RIMKLB: variants seen among roughly 807,000 people sequenced by gnomAD.
RIMKLB encodes the protein ribosomal modification protein rimK like family member B.
Under a neutral mutation model 32.0 loss-of-function variants are expected in RIMKLB, and 7 were observed. The ratio of observed to expected loss-of-function variants is 0.22; its 90% CI spans 0.12 to 0.41. RIMKLB has a LOEUF of 0.41. Ranked by LOEUF, RIMKLB falls within the 10% of genes least tolerant of loss-of-function variation. The probability of loss-of-function intolerance (pLI) is 1.00; values close to 1 mark genes in which losing one functional copy is unlikely to be tolerated. For synonymous variants in RIMKLB, 172 were observed against 185.1 expected (o/e 0.93, Z 0.57); for missense variants, 289 against 498.7 (o/e 0.58, Z 4.00).
At chr12:8,732,681 A>G (rs1002251009) in intron 2 of RIMKLB, among the ~76,000 whole-genome samples, 19 of 152,104 alleles carry the variant, frequency 1.2e-4, no homozygotes, top group African/African-American at 4.1e-4. Flanking sequence ...TTGTGAAGAT[A>G]ATGCCCATCA....
At chr12:8,749,638 T>A (rs1948453221) in intron 2 of RIMKLB, among the ~76,000 whole-genome samples, 1 of 152,256 alleles carries the variant, frequency 6.6e-6, no homozygotes, top group South Asian at 2.1e-4. Flanking sequence ...ACATTCTTTT[T>A]AATGGCTATG....
chr12:8,688,452 G>T (rs1315257192), intron 1 of RIMKLB, among the ~76,000 whole-genome samples: 1 of 152,056 alleles, frequency 6.6e-6, no homozygotes, highest in Non-Finnish European at 1.5e-5. Flanking sequence ...ATAAATAATA[G>T]AAATTATTTT....
upstream of RIMKLB, among the ~76,000 whole-genome samples, chr12:8,680,211 A>G (rs1591585373): frequency 6.6e-6 from 1 of 152,214 alleles, no homozygotes; most frequent in East Asian, 1.9e-4. Flanking sequence ...GCTGGAGCGC[A>G]GTGGCGCGAT....
At position 8,774,469 on chromosome 12, in the gene RIMKLB, A is replaced by G. The variant is rs1344908291; in HGVS notation, c.*685A>G. 5 of 984,672 alleles carry G rather than the reference A, an allele frequency of 5.1e-6. No homozygotes were observed. Among genetic ancestry groups the G allele is most frequent in the African/African-American group, 1.7e-5 (1 of 57,210 alleles). 61.0% of individuals were successfully genotyped at this position (984,672 alleles called of 1,614,324 possible). A position where few individuals can be genotyped will look rare whatever the true frequency, so the allele number is the denominator to read the frequency against. ...TGCAATGTCCGGTATACAAAATAAC[A>G]TTAATTCAATGTAGATAAAATTACA... On this transcript the variant is annotated 3_prime_UTR_variant, in exon 6 of 6. Transcript: ENST00000535829.
Position 8,773,802 on chromosome 12 carries a change from C to T in RIMKLB, c.*18C>T. On this transcript the variant is annotated 3_prime_UTR_variant, in exon 6 of 6. Coordinates refer to ENST00000535829, the MANE Select transcript of RIMKLB (RefSeq NM_001297776.2). ...TGGACTGACTCCACTGGTAATTAAC[C>T]AACAAAACCCTTGTAAAACTTTCTT... 1 of 1,579,512 alleles carries T rather than the reference C, an allele frequency of 6.3e-7. No homozygotes were observed. Among genetic ancestry groups the T allele is most frequent in the African/African-American group, 1.4e-5 (1 of 73,526 alleles).
At chr12:8,781,462 AT>A (rs1951034205), downstream of RIMKLB, among the ~76,000 whole-genome samples, 1 of 152,208 alleles carries the variant, frequency 6.6e-6, no homozygotes, top group Non-Finnish European at 1.5e-5. Context: ...CCAGCTGGCT[AT>A]CTAGGTCAAG....
At chr12:8,750,401 A>G (rs1948517007) in intron 3 of RIMKLB, among the ~76,000 whole-genome samples, 1 of 152,228 alleles carries the variant, frequency 6.6e-6, no homozygotes, top group South Asian at 2.1e-4. Context: ...ACAAATGAGT[A>G]GCTTTGTTCC....
At chr12:8,724,073 C>T (rs991883858) in intron 2 of RIMKLB, among the ~76,000 whole-genome samples, 1 of 152,030 alleles carries the variant, frequency 6.6e-6, no homozygotes, top group African/African-American at 2.4e-5. Context: ...CCCACCTCAG[C>T]CCCCAAAATG....
intron 2 of RIMKLB, among the ~76,000 whole-genome samples, chr12:8,725,755 C>G (rs1319740763): frequency 4.6e-5 from 7 of 152,182 alleles, no homozygotes; most frequent in Admixed American, 4.6e-4. Flanking sequence ...TTGGTACACA[C>G]CAAGTAGCAC....
At chr12:8,717,770 A>G (rs1250157518) in intron 2 of RIMKLB, among the ~76,000 whole-genome samples, 2 of 152,180 alleles carry the variant, frequency 1.3e-5, no homozygotes, top group Non-Finnish European at 2.9e-5. Flanking sequence ...CTGTAGTCAA[A>G]TTAATCTCTC....
upstream of RIMKLB, among the ~76,000 whole-genome samples, chr12:8,692,500 G>T (rs1942759519): frequency 6.6e-6 from 1 of 151,352 alleles, no homozygotes; most frequent in Non-Finnish European, 1.5e-5. Context: ...AAGCATTCCA[G>T]GTAATTTCTA....
rs1309443606 is a variant in RIMKLB at position 8,698,315 on chromosome 12, T to C, written c.-57+18T>C. 3.2e-6 allele frequency: 1 copy of C among 316,818 alleles called. No individual in the cohort carries two copies. The highest frequency in any genetic ancestry group is 2.1e-5 in the South Asian group (1 of 46,822). The allele number at this position is 316,818 out of a possible 1,614,324, so 19.6% of individuals were successfully genotyped here. ...CGACCCAGGTGAGCGGTACGACCGC[T>C]GTTGCCCTCGGGTGTAGAGCAGTGA... On this transcript the variant is annotated intron_variant, in intron 1 of 5. Coordinates refer to ENST00000535829, the MANE Select transcript of RIMKLB (RefSeq NM_001297776.2).
intron 2 of RIMKLB, among the ~76,000 whole-genome samples, chr12:8,749,297 A>C (rs967879450): frequency 6.7e-6 from 1 of 150,028 alleles, no homozygotes; most frequent in Non-Finnish European, 1.5e-5. Context: ...TGCAACCTCC[A>C]CCTGCCTGGT....
At chr12:8,753,834 T>C in intron 4 of RIMKLB, 56 bp from the exon 5 acceptor site, 1 of 1,326,750 alleles carries the variant, frequency 7.5e-7, no homozygotes, top group South Asian at 1.2e-5. Flanking sequence ...AGATAATAGG[T>C]ATCATCTGCC....
chr12:8,715,228 C>CCTTTTTTT (rs1445737752), intron 2 of RIMKLB, among the ~76,000 whole-genome samples: 4 of 123,762 alleles, frequency 3.2e-5, no homozygotes, highest in African/African-American at 1.3e-4. Flanking sequence ...TGCTCTTGTT[C>CCTTTTTTT]TTTTTTTTTT....
chr12:8,765,517 A>G (rs1451585185), intron 5 of RIMKLB, among the ~76,000 whole-genome samples: 1 of 152,188 alleles, frequency 6.6e-6, no homozygotes, highest in Non-Finnish European at 1.5e-5. Flanking sequence ...TCCATGTCAG[A>G]TCAAAGGATT....
intron 1 of RIMKLB, among the ~76,000 whole-genome samples, chr12:8,703,562 T>A (rs1943596303): frequency 6.6e-6 from 1 of 152,146 alleles, no homozygotes; most frequent in South Asian, 2.1e-4. Context: ...CTTGAACTCC[T>A]GTCCTCCTAC....
chr12:8,772,049 G>A (rs1299840852), intron 5 of RIMKLB, among the ~76,000 whole-genome samples: 3 of 151,828 alleles, frequency 2.0e-5, no homozygotes, highest in Non-Finnish European at 4.4e-5. Flanking sequence ...CCACCACACC[G>A]GGCTAATTTT....
chr12:8,681,505 C>G (rs934401354), upstream of RIMKLB: 1 of 152,128 alleles, frequency 6.6e-6, no homozygotes. Flanking sequence ...ACTTGTGCTA[C>G]GTTAATGCAT....
Sources: gnomAD v4.1 joint callset for allele counts (sites outside exome capture counted in the v4.1 genomes callset) on GRCh38, gnomAD v4.1.1 for gene constraint, MANE v1.5 for transcripts, NCBI Gene and HGNC (gene_info 2026-07-23, HGNC 2026-07-21) for gene names.